Variants in ZMYM2 observed in about 807,000 individuals in gnomAD.
ZMYM2 encodes the protein zinc finger MYM-type protein 2.
Under a neutral mutation model 162.8 loss-of-function variants are expected in ZMYM2, and 56 were observed. That is an observed-to-expected ratio of 0.34 (90% CI 0.28 to 0.43). The LOEUF is 0.43. Among genes scored for constraint, ZMYM2 ranks in the 20% least tolerant of loss-of-function variants. The pLI, the probability that ZMYM2 is intolerant of heterozygous loss-of-function variation, is 1.00. For missense variants in ZMYM2, 1,275 were observed against 1,621.8 expected (o/e 0.79, Z 3.67); for synonymous variants, 510 against 541.6 (o/e 0.94, Z 0.81).
At chr13:19,866,644 A>G in the ZMYM2 span, among the ~76,000 whole-genome samples, 1 of 152,208 alleles carries the variant, frequency 6.6e-6, no homozygotes, top group Non-Finnish European at 1.5e-5. Flanking sequence ...AGACTGGGCA[A>G]CAAGGGCGAA....
the ZMYM2 span, among the ~76,000 whole-genome samples, chr13:19,884,799 C>T: frequency 3.3e-5 from 5 of 152,128 alleles, no homozygotes; most frequent in African/African-American, 4.8e-5. Context: ...AAAACAAAAT[C>T]TTCAACAAGC....
intron 22 of ZMYM2, 32 bp downstream of exon 22, chr13:20,082,162 C>G: frequency 7.0e-7 from 1 of 1,429,272 alleles, no homozygotes; most frequent in South Asian, 1.3e-5. Flanking sequence ...GTGTTGCTCT[C>G]TTGATATTAG....
In ZMYM2 at chr13:20,086,520, T is replaced by G. The variant is rs1014789199; in HGVS notation, c.*506T>G. The G allele has an allele frequency of 2.3e-4, 49 of 215,750 alleles. No individual in the cohort carries two copies. Among genetic ancestry groups the G allele is most frequent in the Non-Finnish European group, 5.6e-5 (6 of 106,632 alleles). The allele number at this position is 215,750 out of a possible 1,614,324, so 13.4% of individuals were successfully genotyped here. A position where few individuals can be genotyped will look rare whatever the true frequency, so the allele number is the denominator to read the frequency against. ...TTTTGTTTTGTTTTGGGGTTTTGTT[T>G]TGTTTGGTTTTACATTTTAGTTACT... On this transcript the variant is annotated 3_prime_UTR_variant, in exon 25 of 25. Transcript: ENST00000610343.
At chr13:19,970,065 A>G (rs1956167800) in intron 2 of ZMYM2, 3 of 985,274 alleles carry the variant, frequency 3.0e-6, no homozygotes, top group African/African-American at 3.5e-5. Context: ...GAAGTCACGT[A>G]AAGAAGGTAA....
chr13:20,046,631 GTATATATATGTGTACATA>G (rs1159895792), intron 12 of ZMYM2, among the ~76,000 whole-genome samples: 5 of 144,558 alleles, frequency 3.5e-5, no homozygotes, highest in Non-Finnish European at 6.0e-5. Flanking sequence ...ATATATATGT[GTATATATATGTGTACATA>G]TGTATATGTG....
chr13:20,002,736 A>G, intron 3 of ZMYM2, 114 bp from the exon 4 acceptor site: 1 of 1,365,028 alleles, frequency 7.3e-7, no homozygotes, highest in Non-Finnish European at 9.9e-7. Context: ...TTGCTGTTCC[A>G]TTAACATCTT....
intron 2 of ZMYM2, among the ~76,000 whole-genome samples, chr13:19,988,900 A>G (rs1949388819): frequency 6.6e-6 from 1 of 152,230 alleles, no homozygotes. Context: ...ATCTTTGACT[A>G]GAATTTTGTC....
the ZMYM2 span, among the ~76,000 whole-genome samples, chr13:19,940,551 A>G: frequency 6.6e-6 from 1 of 152,232 alleles, no homozygotes; most frequent in Non-Finnish European, 1.5e-5. Flanking sequence ...AACAACAACA[A>G]TGAAAAAGTT....
the ZMYM2 span, among the ~76,000 whole-genome samples, chr13:19,940,169 C>G: frequency 6.6e-6 from 1 of 151,856 alleles, no homozygotes; most frequent in Non-Finnish European, 1.5e-5. Flanking sequence ...TGTCTAATAC[C>G]TAATTTTAAA....
the ZMYM2 span, among the ~76,000 whole-genome samples, chr13:19,877,983 T>C: frequency 6.6e-6 from 1 of 152,202 alleles, no homozygotes; most frequent in African/African-American, 2.4e-5. Flanking sequence ...TGTACCATTT[T>C]ACATTCCCAC....
At chr13:20,020,171 T>A (rs1020041652) in intron 7 of ZMYM2, among the ~76,000 whole-genome samples, 1 of 151,966 alleles carries the variant, frequency 6.6e-6, no homozygotes, top group African/African-American at 2.4e-5. Context: ...TTACAGCAAA[T>A]GAAAAACAAT....
the ZMYM2 span, among the ~76,000 whole-genome samples, chr13:19,884,820 A>G: frequency 1.3e-5 from 2 of 152,136 alleles, no homozygotes; most frequent in African/African-American, 4.8e-5. Context: ...CATACAACAA[A>G]CATTCCAGCA....
the ZMYM2 span, among the ~76,000 whole-genome samples, chr13:19,869,259 C>G: frequency 6.6e-6 from 1 of 152,126 alleles, no homozygotes; most frequent in African/African-American, 2.4e-5. Flanking sequence ...ATGCTGCCAA[C>G]TGGATACACA....
At chr13:19,963,693 G>C (rs921950872) in intron 2 of ZMYM2, among the ~76,000 whole-genome samples, 6 of 151,976 alleles carry the variant, frequency 3.9e-5, no homozygotes, top group African/African-American at 1.5e-4. Context: ...GTTAAAATTT[G>C]GATTATAACA....
intron 12 of ZMYM2, among the ~76,000 whole-genome samples, chr13:20,050,514 AAT>A (rs1278596215): frequency 2.9e-4 from 2 of 6,846 alleles, no homozygotes; most frequent in Admixed American, 5.6e-3. Flanking sequence ...TGAAAAAAAT[AAT>A]AATAGTTCAT....
the ZMYM2 span, among the ~76,000 whole-genome samples, chr13:19,884,862 G>C: frequency 6.6e-6 from 1 of 151,976 alleles, no homozygotes; most frequent in Middle Eastern, 3.4e-3. Context: ...TCACAATTGC[G>C]GGTGCGGGTG....
intron 12 of ZMYM2, among the ~76,000 whole-genome samples, chr13:20,040,713 C>A (rs557580431): frequency 9.2e-5 from 14 of 152,240 alleles, no homozygotes; most frequent in African/African-American, 3.4e-4. Context: ...AAATTGAGAT[C>A]TTTCTAACTT....
the ZMYM2 span, among the ~76,000 whole-genome samples, chr13:19,950,634 G>C: frequency 6.6e-6 from 1 of 152,212 alleles, no homozygotes; most frequent in African/African-American, 2.4e-5. Context: ...CGTAGCAGCT[G>C]CAAAGTCGTT....
rs187283395 is a variant in ZMYM2 at position 20,007,915 on chromosome 13, C to T, written c.1512+1329C>T. 2.0e-5 allele frequency among the ~76,000 whole-genome samples: 3 copies of T among 152,222 alleles called. No homozygotes were observed. In the East Asian group the frequency reaches 5.8e-4, roughly 29 times the overall value. On this transcript the variant is annotated intron_variant, in intron 6 of 24. Coordinates refer to ENST00000610343, the MANE Select transcript of ZMYM2 (RefSeq NM_197968.4). ...GGATTACAGGCATGAGCTACCACAC[C>T]TGGCCTTAGATTTATTAAGGTGTGA...
Sources: allele counts gnomAD v4.1 joint callset (sites outside exome capture counted in the v4.1 genomes callset), GRCh38; gene constraint gnomAD v4.1.1; transcripts MANE v1.5; gene names NCBI Gene and HGNC (gene_info 2026-07-23, HGNC 2026-07-21).